The following CDH13 variants were observed in gnomAD, a reference collection of about 807,000 sequenced individuals.
The protein encoded by CDH13 is cadherin-13.
Under a neutral mutation model 63.8 loss-of-function variants are expected in CDH13, and 24 were observed. The ratio of observed to expected loss-of-function variants is 0.38; its 90% confidence interval spans 0.27 to 0.53. The LOEUF (loss-of-function observed/expected upper bound fraction) is 0.53. Among genes scored for constraint, CDH13 ranks in the 20% least tolerant of loss-of-function variants. The pLI, the probability that CDH13 is intolerant of heterozygous loss-of-function variation, is 0.85. For missense variants in CDH13, 1,049 were observed against 903.1 expected (o/e 1.16, Z -2.07); for synonymous variants, 503 against 355.3 (o/e 1.42, Z -4.67).
At chr16:83,153,227 G>A (rs912078449) in intron 4 of CDH13, among the ~76,000 whole-genome samples, 2 of 152,064 alleles carry the variant, frequency 1.3e-5, no homozygotes, top group African/African-American at 4.8e-5. Context: ...TGATTGGTTG[G>A]GTCGGAGATG....
chr16:82,741,549 A>C (rs147392553), intron 1 of CDH13, among the ~76,000 whole-genome samples: 50 of 152,348 alleles, frequency 3.3e-4, no homozygotes, highest in African/African-American at 1.1e-3. Context: ...ATGGGGGTCC[A>C]TGCCTCATTC....
chr16:83,550,607 TGAG>T (rs2075472625), intron 7 of CDH13, among the ~76,000 whole-genome samples: 1 of 152,116 alleles, frequency 6.6e-6, no homozygotes, highest in South Asian at 2.1e-4. Flanking sequence ...TGTGGGCACA[TGAG>T]GAGGGGGAAA....
chr16:82,759,207 G>A (rs996967275), intron 1 of CDH13, among the ~76,000 whole-genome samples: 2 of 152,182 alleles, frequency 1.3e-5, no homozygotes, highest in Admixed American at 6.5e-5. Context: ...CTGGGAGTGA[G>A]CAGAAACCTG....
At chr16:82,726,481 C>CT (rs1290891064) in intron 1 of CDH13, among the ~76,000 whole-genome samples, 2 of 152,204 alleles carry the variant, frequency 1.3e-5, no homozygotes, top group Non-Finnish European at 2.9e-5. Flanking sequence ...AAAAACCATT[C>CT]TTTTCTCATG....
chr16:83,399,316 A>G (rs575797739), intron 6 of CDH13, among the ~76,000 whole-genome samples: 3 of 152,338 alleles, frequency 2.0e-5, no homozygotes, highest in Admixed American at 2.0e-4. Flanking sequence ...AGTGTTTTGA[A>G]ATATGTTACT....
At chr16:82,902,821 G>C (rs1443136993) in intron 2 of CDH13, among the ~76,000 whole-genome samples, 1 of 152,098 alleles carries the variant, frequency 6.6e-6, no homozygotes, top group Non-Finnish European at 1.5e-5. Context: ...GTCTGCCTTG[G>C]TCTGGTTGGT....
intron 8 of CDH13, among the ~76,000 whole-genome samples, chr16:83,611,401 A>G (rs2150763726): frequency 6.6e-6 from 1 of 151,536 alleles, no homozygotes; most frequent in East Asian, 1.9e-4. Flanking sequence ...GTGTTTTTCC[A>G]GGAATTTGTC....
chr16:82,787,926 A>G (rs577512579), intron 1 of CDH13, among the ~76,000 whole-genome samples: 5 of 148,232 alleles, frequency 3.4e-5, no homozygotes, highest in Admixed American at 1.4e-4. Flanking sequence ...CTGACTCACA[A>G]CTCCTGGGCT....
chr16:82,914,169 C>A (rs2041916436), intron 2 of CDH13, among the ~76,000 whole-genome samples: 1 of 152,106 alleles, frequency 6.6e-6, no homozygotes, highest in Non-Finnish European at 1.5e-5. Flanking sequence ...CTTCACTAGA[C>A]TCTAGGGCAG....
intron 2 of CDH13, among the ~76,000 whole-genome samples, chr16:82,872,538 C>G (rs919363894): frequency 7.9e-5 from 12 of 152,152 alleles, no homozygotes; most frequent in Non-Finnish European, 1.5e-4. Context: ...TTAAGCATAG[C>G]TTTAAATAGG....
intron 7 of CDH13, among the ~76,000 whole-genome samples, chr16:83,597,614 A>T (rs758948152): frequency 6.6e-6 from 1 of 152,190 alleles, no homozygotes; most frequent in Non-Finnish European, 1.5e-5. Context: ...ATTGGATATT[A>T]CTTCAGTACT....
At chr16:83,188,966 G>A (rs1010266304) in intron 4 of CDH13, among the ~76,000 whole-genome samples, 2 of 152,136 alleles carry the variant, frequency 1.3e-5, no homozygotes, top group Non-Finnish European at 2.9e-5. Flanking sequence ...AACTTTAGCT[G>A]TGACACTGGG....
chr16:82,686,089 C>G (rs1168702714), intron 1 of CDH13, among the ~76,000 whole-genome samples: 1 of 152,192 alleles, frequency 6.6e-6, no homozygotes, highest in Non-Finnish European at 1.5e-5. Flanking sequence ...AGCTCCACTT[C>G]CACACCCTTC....
At chr16:83,105,782 C>A (rs1427439113) in intron 3 of CDH13, among the ~76,000 whole-genome samples, 1 of 152,166 alleles carries the variant, frequency 6.6e-6, no homozygotes, top group Non-Finnish European at 1.5e-5. Context: ...ACATAATGTA[C>A]AACAGGCAGC....
chr16:83,730,563 C>T (rs7200998), intron 10 of CDH13, among the ~76,000 whole-genome samples: 4 of 152,288 alleles, frequency 2.6e-5, no homozygotes, highest in Admixed American at 6.5e-5. Context: ...CTAAAATATA[C>T]GGTGGTATTC....
chr16:83,338,811 TAAGG>T (rs1334697208), intron 5 of CDH13, among the ~76,000 whole-genome samples: 1 of 152,124 alleles, frequency 6.6e-6, no homozygotes, highest in Non-Finnish European at 1.5e-5. Context: ...AACTGGATAA[TAAGG>T]AAGAAGAGGG....
At chr16:82,777,459 C>T (rs1420609818) in intron 1 of CDH13, among the ~76,000 whole-genome samples, 3 of 152,144 alleles carry the variant, frequency 2.0e-5, no homozygotes, top group Non-Finnish European at 2.9e-5. Context: ...GTGAATGGTG[C>T]CTCCAAGAGT....
rs67312035 is a variant in CDH13, at chr16:83,043,490, A to AGTGTGT, written c.366+11305_366+11310dup. ...AATTTATATAATAACTGTATATATG[A>AGTGTGT]GTGTGTGTGTGTGTGTGTGTGTGTG... On this transcript the variant is annotated intron_variant, in intron 3 of 13. Coordinates refer to ENST00000567109, the MANE Select transcript of CDH13 (RefSeq NM_001257.5). 4.0e-3 allele frequency among the ~76,000 whole-genome samples: 535 copies of AGTGTGT among 132,222 alleles called. 1 individual carries two copies. The highest frequency in any genetic ancestry group is 0.011 in the African/African-American group (444 of 38,978). The allele number at this position is 132,222 out of a possible 152,430, so 86.7% of individuals were successfully genotyped here. A position where few individuals can be genotyped will look rare whatever the true frequency, so the allele number is the denominator to read the frequency against.
intron 3 of CDH13, among the ~76,000 whole-genome samples, chr16:83,050,395 C>A (rs757815388): frequency 2.6e-5 from 4 of 152,196 alleles, no homozygotes; most frequent in Non-Finnish European, 5.9e-5. Context: ...AGCTGAACCA[C>A]TTTAATTCCC....
Sources: gnomAD v4.1 joint callset for allele counts (sites outside exome capture counted in the v4.1 genomes callset) on GRCh38, gnomAD v4.1.1 for gene constraint, MANE v1.5 for transcripts, NCBI Gene and HGNC (gene_info 2026-07-23, HGNC 2026-07-21) for gene names.